Variants in ARID2 observed in about 807,000 individuals in gnomAD.
ARID2 encodes the protein AT-rich interaction domain 2.
A neutral mutation model predicts 184.6 loss-of-function variants in ARID2; 32 were observed. The observed-to-expected ratio is 0.17, with a 90% CI of 0.13 to 0.23. The LOEUF is 0.23. ARID2 is among the 10% of genes least tolerant of loss of function. The pLI is 1.00. For missense variants in ARID2, 1,696 were observed against 2,197.6 expected, an observed-to-expected ratio of 0.77 and a Z score of 4.56; for synonymous variants, 836 against 772.6, an observed-to-expected ratio of 1.08 and a Z score of -1.36.
chr12:45,880,724 G>A (rs893978841), intron 16 of ARID2, among the ~76,000 whole-genome samples: 1 of 152,186 alleles, frequency 6.6e-6, no homozygotes, highest in African/African-American at 2.4e-5. Flanking sequence ...ACATGCTGAT[G>A]TCTCAAACAG....
intron 3 of ARID2, among the ~76,000 whole-genome samples, chr12:45,782,561 G>A (rs1306185158): frequency 6.6e-6 from 1 of 152,174 alleles, no homozygotes; most frequent in Non-Finnish European, 1.5e-5. Flanking sequence ...GAACCCGGGA[G>A]GTGGAGGTTG....
intron 12 of ARID2, 117 bp from the exon 13 acceptor site, chr12:45,848,719 T>C: frequency 1.2e-6 from 1 of 815,870 alleles, no homozygotes. Flanking sequence ...TCAGTGAAAT[T>C]TGATTAGTAG....
chr12:45,875,691 A>T (rs1232276765), intron 16 of ARID2, among the ~76,000 whole-genome samples: 3 of 152,224 alleles, frequency 2.0e-5, no homozygotes. Context: ...CTGCATCAGG[A>T]CTTGCTTTAC....
chr12:45,782,069 G>C (rs964405188), intron 3 of ARID2, among the ~76,000 whole-genome samples: 3 of 152,078 alleles, frequency 2.0e-5, no homozygotes, highest in African/African-American at 7.2e-5. Flanking sequence ...GAGGATGAAG[G>C]AGGGACACTA....
intron 3 of ARID2, among the ~76,000 whole-genome samples, chr12:45,806,494 G>A (rs1259056912): frequency 2.6e-5 from 4 of 151,906 alleles, no homozygotes. Flanking sequence ...AATTTTTTCT[G>A]TGTTTGAGCT....
At chr12:45,904,322 C>T (rs2094084448) in intron 20 of ARID2, 1 of 715,594 alleles carries the variant, frequency 1.4e-6, no homozygotes, top group African/African-American at 1.8e-5. Flanking sequence ...TTTTCTGACA[C>T]CATTTTCTAA....
At chr12:45,759,780 T>G (rs899445658) in intron 3 of ARID2, among the ~76,000 whole-genome samples, 1 of 152,182 alleles carries the variant, frequency 6.6e-6, no homozygotes, top group Non-Finnish European at 1.5e-5. Flanking sequence ...CAGGCTGGTC[T>G]CAATCTCCTG....
chr12:45,736,371 A>G (rs958608164), intron 3 of ARID2, among the ~76,000 whole-genome samples: 1 of 152,074 alleles, frequency 6.6e-6, no homozygotes, highest in Non-Finnish European at 1.5e-5. Context: ...AAAAAAAAAA[A>G]GTATATTGCT....
chr12:45,733,521 C>G (rs1265232763), intron 3 of ARID2, among the ~76,000 whole-genome samples: 1 of 152,136 alleles, frequency 6.6e-6, no homozygotes, highest in African/African-American at 2.4e-5. Flanking sequence ...TTTTAAATTA[C>G]AAGTGGAATA....
chr12:45,823,290 A>G (rs898304538), intron 6 of ARID2, among the ~76,000 whole-genome samples: 1 of 152,154 alleles, frequency 6.6e-6, no homozygotes, highest in African/African-American at 2.4e-5. Context: ...AACCCATTGG[A>G]TACAGCAGAA....
rs1942939153 is a variant in ARID2 at position 45,823,670 on chromosome 12, A to G, written c.705+2183A>G. ...AGAGACTATGCTGAAATATTATGCT[A>G]ATGAATTGGAAAACCTAGAAAAAAT... On this transcript the variant is annotated intron_variant, in intron 6 of 20. Coordinates refer to ENST00000334344, the MANE Select transcript of ARID2 (RefSeq NM_152641.4). Among the ~76,000 whole-genome samples the G allele has an allele frequency of 2.7e-5, 4 of 149,950 alleles. No homozygotes were observed. The South Asian group carries it at 8.3e-4, about 31-fold the overall frequency.
chr12:45,904,092 T>C (rs1212585758), intron 20 of ARID2, among the ~76,000 whole-genome samples: 1 of 152,186 alleles, frequency 6.6e-6, no homozygotes, highest in East Asian at 1.9e-4. Context: ...TCTCATTATA[T>C]AGATAGCCAC....
intron 15 of ARID2, among the ~76,000 whole-genome samples, chr12:45,856,886 G>T (rs969887883): frequency 7.9e-5 from 12 of 152,114 alleles, no homozygotes; most frequent in African/African-American, 2.7e-4. Flanking sequence ...TATTTCAAAT[G>T]TAATACTTGC....
rs1169526996 is a variant in ARID2, at chr12:45,899,778, AC to A, written c.5364-5148del. Among the ~76,000 whole-genome samples, 66 of 95,744 alleles carry A rather than the reference AC, an allele frequency of 6.9e-4. 1 individual carries two copies. Among genetic ancestry groups the A allele is most frequent in the South Asian group, 1.8e-3 (6 of 3,274 alleles). 62.8% of individuals were successfully genotyped at this position (95,744 alleles called of 152,430 possible). ...ATATAACCAAATAGTTCCCTACTTT[AC>A]CCCCCCCTCCCACCTCCAAGGGGGG... is the stretch of plus-strand genomic sequence containing the variant. On this transcript the variant is annotated intron_variant, in intron 20 of 20. Transcript: ENST00000334344.
chr12:45,871,043 C>G (rs1425196528), intron 16 of ARID2, among the ~76,000 whole-genome samples: 1 of 152,206 alleles, frequency 6.6e-6, no homozygotes, highest in East Asian at 1.9e-4. Flanking sequence ...GTGAATCTGT[C>G]TTCCAAAGTG....
At position 45,817,979 on chromosome 12, in the gene ARID2, A is replaced by G. The variant is rs891558038; in HGVS notation, c.637+91A>G. The G allele has an allele frequency of 7.7e-6, 7 of 907,326 alleles. No homozygotes were observed. In the African/African-American group the frequency reaches 1.0e-4, roughly 13 times the overall value. 56.2% of individuals were successfully genotyped at this position (907,326 alleles called of 1,614,324 possible). A position where few individuals can be genotyped will look rare whatever the true frequency, so the allele number is the denominator to read the frequency against. On this transcript the variant is annotated intron_variant, in intron 5 of 20. Transcript: ENST00000334344. The stretch of plus-strand genomic sequence containing the variant: ...GAGAAAGTACTTTTTGTTTGTCAAC[A>G]TAATAGCATTCTTTATTTTCTGTTT...
intron 3 of ARID2, among the ~76,000 whole-genome samples, chr12:45,733,902 GA>G (rs781760464): frequency 2.0e-5 from 3 of 152,054 alleles, no homozygotes; most frequent in Non-Finnish European, 4.4e-5. Flanking sequence ...GTCTAAAATT[GA>G]AAATGCAATT....
chr12:45,904,910 A>G (rs371353092), intron 20 of ARID2, 24 bp from the exon 21 acceptor site: 149 of 1,609,634 alleles, frequency 9.3e-5, no homozygotes, highest in Non-Finnish European at 1.2e-4. Context: ...GGAGACTGAC[A>G]ATCTTCTATA....
Position 45,798,869 on chromosome 12 carries a change from T to C in ARID2, c.285-12549T>C, listed in dbSNP as rs148992474. On this transcript the variant is annotated intron_variant, in intron 3 of 20. Transcript: ENST00000334344. ...CATCCAGCTTTAAATCCAGAAACTC[T>C]TAGTGTTTTCCTCTAGAAATCTCTT... Among the ~76,000 whole-genome samples the C allele has an allele frequency of 5.4e-3, 826 of 152,046 alleles. 7 individuals are homozygous for C. Among genetic ancestry groups the C allele is most frequent in the African/African-American group, 0.019 (785 of 41,524 alleles).
Sources: gnomAD v4.1 joint callset for allele counts (sites outside exome capture counted in the v4.1 genomes callset) on GRCh38, gnomAD v4.1.1 for gene constraint, MANE v1.5 for transcripts, NCBI Gene and HGNC (gene_info 2026-07-23, HGNC 2026-07-21) for gene names.